STK39: variants seen among roughly 807,000 people sequenced by gnomAD.
The protein encoded by STK39 is STE20/SPS1-related proline-alanine-rich protein kinase.
STK39 carries 20 observed loss-of-function variants against 77.8 expected under a neutral mutation model. That is an observed-to-expected ratio of 0.26 (90% CI 0.18 to 0.37). The LOEUF is 0.37. STK39 is among the 10% of genes least tolerant of loss of function. The pLI is 1.00. For synonymous variants in STK39, 246 were observed against 234.1 expected, an observed-to-expected ratio of 1.05 and a Z score of -0.47; for missense variants, 479 against 656.5, an observed-to-expected ratio of 0.73 and a Z score of 2.95.
chr2:168,030,929 T>G (rs1684817770), intron 14 of STK39, among the ~76,000 whole-genome samples: 1 of 152,216 alleles, frequency 6.6e-6, no homozygotes, highest in African/African-American at 2.4e-5. Flanking sequence ...CGAGAATACA[T>G]CAGGGCACAC....
At chr2:168,103,603 T>C (rs190991027) in intron 10 of STK39, among the ~76,000 whole-genome samples, 2 of 152,354 alleles carry the variant, frequency 1.3e-5, no homozygotes, top group East Asian at 3.9e-4. Flanking sequence ...GCAATGATTC[T>C]TTGCACATTC....
chr2:168,083,008 C>A (rs1380825052), intron 10 of STK39, among the ~76,000 whole-genome samples: 1 of 152,196 alleles, frequency 6.6e-6, no homozygotes, highest in South Asian at 2.1e-4. Flanking sequence ...CAAAACATGA[C>A]AGGTGCTATT....
intron 15 of STK39, among the ~76,000 whole-genome samples, chr2:168,016,218 G>C (rs1684399881): frequency 6.6e-6 from 1 of 152,156 alleles, no homozygotes; most frequent in East Asian, 1.9e-4. Flanking sequence ...GTGAGCCACT[G>C]TGCCTGGCCT....
chr2:167,987,623 C>A (rs1480661446), intron 16 of STK39, among the ~76,000 whole-genome samples: 1 of 152,090 alleles, frequency 6.6e-6, no homozygotes, highest in Non-Finnish European at 1.5e-5. Flanking sequence ...AGAGGAAACC[C>A]CAGCTGGCAA....
intron 1 of STK39, among the ~76,000 whole-genome samples, chr2:168,235,334 G>A (rs1279466551): frequency 2.6e-5 from 4 of 151,998 alleles, no homozygotes; most frequent in African/African-American, 7.2e-5. Context: ...GAGCCACCAC[G>A]GCCGGCCCGA....
chr2:168,221,560 T>C (rs1344014826), intron 1 of STK39, among the ~76,000 whole-genome samples: 4 of 152,302 alleles, frequency 2.6e-5, no homozygotes, highest in South Asian at 2.1e-4. Flanking sequence ...CAAGTTGGAA[T>C]TGAAATCCCT....
Position 168,215,705 on chromosome 2 carries a change from C to T in STK39, c.208+31523G>A, listed in dbSNP as rs74752139. On this transcript the variant is annotated intron_variant, in intron 1 of 17. Coordinates refer to ENST00000355999, the MANE Select transcript of STK39 (RefSeq NM_013233.3). Reference sequence around the variant, plus strand: ...GGTGACACAGGAGAAACAAATCTGACGTGTAAAGGAACAGCAGCTGGAAAT... The same window carrying T: ...GGTGACACAGGAGAAACAAATCTGATGTGTAAAGGAACAGCAGCTGGAAAT... 1.7e-3 allele frequency among the ~76,000 whole-genome samples: 255 copies of T among 151,810 alleles called. 2 individuals are homozygous for T. The highest frequency in any genetic ancestry group is 5.5e-3 in the African/African-American group (229 of 41,336).
chr2:168,106,693 G>A (rs765237668), intron 10 of STK39, among the ~76,000 whole-genome samples: 6 of 152,078 alleles, frequency 3.9e-5, no homozygotes, highest in Admixed American at 6.6e-5. Flanking sequence ...GTGGTGGTGC[G>A]CATCTGTAGT....
rs367902119 is a variant in STK39 at position 168,005,106 on chromosome 2, A to G, written c.1498+7528T>C. 2.0e-5 allele frequency among the ~76,000 whole-genome samples: 3 copies of G among 150,466 alleles called. No individual in the cohort carries two copies. The East Asian group carries it at 5.9e-4, about 30-fold the overall frequency. On this transcript the variant is annotated intron_variant, in intron 16 of 17. Transcript: ENST00000355999. ...CTGCAACCTCTGCCTCCCAGGTTCA[A>G]GCAATTCTCCTGCCTCAGCCTCCTG...
At chr2:167,962,307 T>C (rs958848838) in intron 17 of STK39, among the ~76,000 whole-genome samples, 4 of 152,278 alleles carry the variant, frequency 2.6e-5, no homozygotes, top group African/African-American at 9.6e-5. Context: ...TACATTTGAA[T>C]CTCTGCAGTT....
chr2:168,076,644 A>G (rs1327573023), intron 10 of STK39, among the ~76,000 whole-genome samples: 1 of 152,228 alleles, frequency 6.6e-6, no homozygotes. Context: ...AAGAAAGTAC[A>G]AAGTACTTTT....
intron 10 of STK39, among the ~76,000 whole-genome samples, chr2:168,125,173 G>A (rs937716469): frequency 1.3e-5 from 2 of 151,602 alleles, no homozygotes; most frequent in African/African-American, 4.9e-5. Context: ...GCAAGATACT[G>A]TCTGTAATAC....
chr2:168,065,469 C>G, intron 12 of STK39, 88 bp from the exon 13 acceptor site: 2 of 1,306,460 alleles, frequency 1.5e-6, no homozygotes, highest in East Asian at 2.3e-5. Flanking sequence ...TTATCAGACC[C>G]AATAATTTCC....
At chr2:168,191,923 G>A (rs1689350144) in intron 1 of STK39, among the ~76,000 whole-genome samples, 1 of 152,136 alleles carries the variant, frequency 6.6e-6, no homozygotes, top group African/African-American at 2.4e-5. Flanking sequence ...GGGAGGAGGT[G>A]GTGGTTATTA....
chr2:168,093,067 G>A (rs563226933), intron 10 of STK39, among the ~76,000 whole-genome samples: 4 of 152,144 alleles, frequency 2.6e-5, no homozygotes, highest in African/African-American at 4.8e-5. Flanking sequence ...AGAATCTCTC[G>A]CTCAACACAT....
At chr2:168,041,080 C>G (rs897549065) in intron 14 of STK39, among the ~76,000 whole-genome samples, 1 of 152,056 alleles carries the variant, frequency 6.6e-6, no homozygotes, top group Non-Finnish European at 1.5e-5. Flanking sequence ...TGGAGCTTAC[C>G]GTCTAGGGAG....
intron 10 of STK39, among the ~76,000 whole-genome samples, chr2:168,103,428 T>A (rs987987191): frequency 7.9e-5 from 12 of 152,214 alleles, no homozygotes; most frequent in Non-Finnish European, 7.3e-5. Flanking sequence ...TTCATTAGAC[T>A]GTGTATTTTC....
At chr2:168,113,855 C>A (rs1687186040) in intron 10 of STK39, among the ~76,000 whole-genome samples, 1 of 152,190 alleles carries the variant, frequency 6.6e-6, no homozygotes. Flanking sequence ...AGGCAAATAT[C>A]TCTTGATAAG....
rs544665007 is a variant in STK39, at chr2:168,061,566, G to A, written c.1376+1934C>T. 2.8e-4 allele frequency among the ~76,000 whole-genome samples: 42 copies of A among 152,244 alleles called. No homozygotes were observed. In the South Asian group the frequency reaches 7.9e-3, roughly 29 times the overall value. ...ACATAGAACCCTTTCTTCCTGGAGCGTCATGTAGGACTAGTGATCTAAGCC... is the reference window on the plus strand; with the variant it reads ...ACATAGAACCCTTTCTTCCTGGAGCATCATGTAGGACTAGTGATCTAAGCC... On this transcript the variant is annotated intron_variant, in intron 14 of 17. Transcript: ENST00000355999.
Sources: gnomAD v4.1 joint callset for allele counts (sites outside exome capture counted in the v4.1 genomes callset) on GRCh38, gnomAD v4.1.1 for gene constraint, MANE v1.5 for transcripts, NCBI Gene and HGNC (gene_info 2026-07-23, HGNC 2026-07-21) for gene names.